Variants in PIP5K1A observed in about 807,000 individuals in gnomAD.
PIP5K1A encodes the protein phosphatidylinositol-4-phosphate 5-kinase type 1 alpha, also known as phosphatidylinositol 4-phosphate 5-kinase type-1 alpha.
Under a neutral mutation model 72.9 loss-of-function variants are expected in PIP5K1A, and 46 were observed. That is an observed-to-expected ratio of 0.63 (90% CI 0.50 to 0.81). The LOEUF is 0.81. Among genes scored for constraint, PIP5K1A ranks in the 30% least tolerant of loss-of-function variants. PIP5K1A has a pLI of 0.00. For missense variants in PIP5K1A, 458 were observed against 706.1 expected (o/e 0.65, Z 3.98); for synonymous variants, 228 against 255.1 (o/e 0.89, Z 1.01).
Position 151,208,439 on chromosome 1 carries a change from C to T in PIP5K1A, c.85+9358C>T, listed in dbSNP as rs587649927. On this transcript the variant is annotated intron_variant, in intron 1 of 15. Coordinates refer to ENST00000368888, the MANE Select transcript of PIP5K1A (RefSeq NM_001135638.2). Reference sequence around the variant, plus strand: ...GCAGTGGTGCAATCTTGGGTCACTGCAAGCTCCACTTCCCGCTTTCAAGCG... The same window carrying T: ...GCAGTGGTGCAATCTTGGGTCACTGTAAGCTCCACTTCCCGCTTTCAAGCG... Among the ~76,000 whole-genome samples the T allele has an allele frequency of 2.0e-5, 3 of 148,306 alleles. No individual in the cohort carries two copies. In the East Asian group the frequency reaches 6.0e-4, roughly 30 times the overall value.
At chr1:151,241,203 T>C (rs1011304249) in intron 12 of PIP5K1A, among the ~76,000 whole-genome samples, 1 of 151,300 alleles carries the variant, frequency 6.6e-6, no homozygotes, top group African/African-American at 2.4e-5. Flanking sequence ...TATAGGATAC[T>C]ATTAAAGAAA....
intron 4 of PIP5K1A, among the ~76,000 whole-genome samples, chr1:151,230,045 G>A (rs368838939): frequency 6.6e-6 from 1 of 152,086 alleles, no homozygotes. Context: ...CCAAGATCAC[G>A]CCACTGCACT....
chr1:151,209,950 C>G (rs1686556705), intron 1 of PIP5K1A, among the ~76,000 whole-genome samples: 1 of 151,904 alleles, frequency 6.6e-6, no homozygotes, highest in Non-Finnish European at 1.5e-5. Flanking sequence ...GTGGTGCAAT[C>G]TTAGCTCACT....
chr1:151,220,673 G>T (rs1214058079), intron 1 of PIP5K1A, among the ~76,000 whole-genome samples: 3 of 152,018 alleles, frequency 2.0e-5, no homozygotes, highest in African/African-American at 7.3e-5. Flanking sequence ...CGCCATGTTG[G>T]CAAGGCTGGT....
At chr1:151,220,094 C>T (rs1558260818) in intron 1 of PIP5K1A, among the ~76,000 whole-genome samples, 1 of 151,616 alleles carries the variant, frequency 6.6e-6, no homozygotes, top group Admixed American at 6.6e-5. Flanking sequence ...CAATCTCTGT[C>T]TCCCAGGTTC....
chr1:151,210,115 C>T (rs1299421905), intron 1 of PIP5K1A, among the ~76,000 whole-genome samples: 1 of 152,006 alleles, frequency 6.6e-6, no homozygotes, highest in African/African-American at 2.4e-5. Context: ...AACTCCTGAC[C>T]TCAGGTGATC....
At chr1:151,196,860 C>CTT (rs34245382), upstream of PIP5K1A, among the ~76,000 whole-genome samples, 22 of 95,250 alleles carry the variant, frequency 2.3e-4, no homozygotes, top group Non-Finnish European at 3.4e-4. Flanking sequence ...TGCGCCCGGC[C>CTT]TTTTTTTTTT....
intron 10 of PIP5K1A, 75 bp from the exon 11 acceptor site, chr1:151,239,054 AC>A: frequency 9.6e-7 from 1 of 1,039,420 alleles, no homozygotes; most frequent in Non-Finnish European, 1.5e-6. Flanking sequence ...TACCCCTTTA[AC>A]CCCCTAAAAT....
intron 1 of PIP5K1A, among the ~76,000 whole-genome samples, chr1:151,202,784 T>G (rs1359766936): frequency 1.3e-5 from 2 of 150,856 alleles, no homozygotes; most frequent in African/African-American, 2.4e-5. Flanking sequence ...AGTCTTTTTT[T>G]TTTTTTGAGA....
intron 4 of PIP5K1A, among the ~76,000 whole-genome samples, chr1:151,229,620 C>G (rs587644482): frequency 9.0e-4 from 136 of 151,456 alleles, no homozygotes; most frequent in African/African-American, 3.2e-3. Context: ...CTCGGCCTCC[C>G]AAAGTGCTGG....
chr1:151,236,192 C>A (rs1384965570), intron 8 of PIP5K1A, among the ~76,000 whole-genome samples: 1 of 148,406 alleles, frequency 6.7e-6, no homozygotes, highest in Non-Finnish European at 1.5e-5. Flanking sequence ...ATCATGAAAG[C>A]TGTCAAGCCA....
intron 1 of PIP5K1A, among the ~76,000 whole-genome samples, chr1:151,200,701 T>C (rs1301096173): frequency 2.0e-5 from 3 of 152,152 alleles, no homozygotes; most frequent in African/African-American, 7.2e-5. Flanking sequence ...TAAATCTCTA[T>C]TTTTAGTTTG....
intron 14 of PIP5K1A, among the ~76,000 whole-genome samples, chr1:151,244,996 ATCC>A (rs1305932181): frequency 2.7e-5 from 4 of 150,652 alleles, no homozygotes; most frequent in Non-Finnish European, 5.9e-5. Context: ...GTCTTAAACA[ATCC>A]TCCTCCCTCT....
chr1:151,247,606 T>G (rs1326265152), intron 15 of PIP5K1A, among the ~76,000 whole-genome samples: 1 of 151,974 alleles, frequency 6.6e-6, no homozygotes, highest in African/African-American at 2.4e-5. Flanking sequence ...TTTGTATTTT[T>G]AGTAGAGCAG....
At chr1:151,236,872 T>TG in intron 9 of PIP5K1A, 109 bp downstream of exon 9, 2 of 753,244 alleles carry the variant, frequency 2.7e-6, no homozygotes, top group Middle Eastern at 3.9e-4. Flanking sequence ...CAGGCTGATG[T>TG]GCTGATGTGC....
At chr1:151,244,425 G>A (rs142797456) in intron 14 of PIP5K1A, among the ~76,000 whole-genome samples, 109 of 152,282 alleles carry the variant, frequency 7.2e-4, no homozygotes, top group African/African-American at 2.6e-3. Context: ...AGGTAGAGGC[G>A]GCCAGATTAC....
chr1:151,205,845 C>CT (rs1685852645), intron 1 of PIP5K1A, among the ~76,000 whole-genome samples: 1 of 152,056 alleles, frequency 6.6e-6, no homozygotes, highest in South Asian at 2.1e-4. Flanking sequence ...ATTTTTCTTT[C>CT]TTCTTTTTAC....
chr1:151,225,583 C>T (rs1689001453), intron 3 of PIP5K1A, among the ~76,000 whole-genome samples: 1 of 151,678 alleles, frequency 6.6e-6, no homozygotes, highest in Non-Finnish European at 1.5e-5. Context: ...AGTTCTCCTG[C>T]CTCAGCCTCC....
intron 1 of PIP5K1A, among the ~76,000 whole-genome samples, chr1:151,220,314 T>TA (rs1688238342): frequency 6.6e-6 from 1 of 151,892 alleles, no homozygotes; most frequent in South Asian, 2.1e-4. Flanking sequence ...TGCCTGTCTC[T>TA]ATTTTAAAAA....
Sources: allele counts gnomAD v4.1 joint callset (sites outside exome capture counted in the v4.1 genomes callset), GRCh38; gene constraint gnomAD v4.1.1; transcripts MANE v1.5; gene names NCBI Gene and HGNC (gene_info 2026-07-23, HGNC 2026-07-21).